Variants in AEBP2 observed in about 807,000 individuals in gnomAD.
The protein encoded by AEBP2 is zinc finger protein AEBP2.
Under a neutral mutation model 50.8 loss-of-function variants are expected in AEBP2, and 10 were observed. That is an observed-to-expected ratio of 0.20 (90% CI 0.12 to 0.33). The LOEUF (loss-of-function observed/expected upper bound fraction) is 0.33, where lower values mean the gene tolerates loss of function less well. Among genes scored for constraint, AEBP2 ranks in the 10% least tolerant of loss-of-function variants. AEBP2 has a pLI of 1.00. For missense variants in AEBP2, 570 were observed against 688.0 expected (o/e 0.83, Z 1.92); for synonymous variants, 296 against 261.3 (o/e 1.13, Z -1.28).
intron 2 of AEBP2, chr12:19,466,866 C>G (rs941822498): frequency 5.7e-6 from 5 of 880,968 alleles, no homozygotes; most frequent in East Asian, 2.4e-4. Flanking sequence ...TTAGCAAGAT[C>G]TAAACTATAT....
chr12:19,492,578 TAAA>T (rs900728019), intron 3 of AEBP2, among the ~76,000 whole-genome samples: 8 of 151,664 alleles, frequency 5.3e-5, no homozygotes, highest in African/African-American at 1.5e-4. Context: ...AAAATATAAA[TAAA>T]AAAACAAAAT....
At position 19,500,109 on chromosome 12, in the gene AEBP2, A is replaced by G. The variant is rs1156284266; in HGVS notation, c.1187A>G (p.Asp396Gly). ...KRRRSLPRPH[D>G]FFDAQTLDAI... is the part of the protein sequence containing the mutation. ...TGTTGACTTTTAGCACGGCCACATGATTTCTTCGATGCACAAACACTGGAT... is the reference window on the plus strand; with the variant it reads ...TGTTGACTTTTAGCACGGCCACATGGTTTCTTCGATGCACAAACACTGGAT... Residue 396 changes from aspartate to glycine, a missense_variant, in exon 5 of 8, where the codon GAT (aspartate) becomes GGT (glycine). Asp to Gly is a moderately conservative substitution (Grantham distance 94, BLOSUM62 -1). Transcript: ENST00000266508. 1 of 1,605,896 alleles carries G rather than the reference A, an allele frequency of 6.2e-7. No homozygotes were observed. The highest frequency in any genetic ancestry group is 1.7e-5 in the Admixed American group (1 of 58,918).
At chr12:19,511,366 G>C (rs1172403497) in intron 5 of AEBP2, among the ~76,000 whole-genome samples, 1 of 152,164 alleles carries the variant, frequency 6.6e-6, no homozygotes, top group Non-Finnish European at 1.5e-5. Flanking sequence ...TTTCTATTAT[G>C]TTCCATAGTT....
At position 19,476,850 on chromosome 12, in the gene AEBP2, A is replaced by G. The variant is rs549417496; in HGVS notation, c.987+3495A>G. 1.8e-4 allele frequency among the ~76,000 whole-genome samples: 27 copies of G among 152,238 alleles called. No individual in the cohort carries two copies. The East Asian group carries it at 4.6e-3, about 26-fold the overall frequency. On this transcript the variant is annotated intron_variant, in intron 3 of 7. Coordinates refer to ENST00000266508, the MANE Select transcript of AEBP2 (RefSeq NM_153207.5). ...ATAGTGTGTTTCTAGTTCTGTGAAG[A>G]TTGATGATGGTACTTTGATGGGAAT...
intron 1 of AEBP2, chr12:19,456,393 C>T: frequency 4.4e-6 from 6 of 1,372,054 alleles, no homozygotes; most frequent in Non-Finnish European, 6.2e-6. Context: ...GTCTGAGAAG[C>T]ACTCAACACA....
At chr12:19,426,896 AAAAC>A (rs1433789101) in intron 1 of AEBP2, among the ~76,000 whole-genome samples, 2 of 152,116 alleles carry the variant, frequency 1.3e-5, no homozygotes, top group East Asian at 1.9e-4. Flanking sequence ...GCGAGACTCA[AAAAC>A]AAACAAAATA....
Position 19,462,720 on chromosome 12 carries a change from T to G in AEBP2, c.879+3T>G. 5.1e-6 allele frequency: 8 copies of G among 1,573,660 alleles called. No individual in the cohort carries two copies. Among genetic ancestry groups the G allele is most frequent in the Non-Finnish European group, 6.9e-6 (8 of 1,153,156 alleles). On this transcript the variant is annotated splice_donor_region_variant and intron_variant, in intron 2 of 7. Coordinates refer to ENST00000266508, the MANE Select transcript of AEBP2 (RefSeq NM_153207.5). ...ATGTAGATGGTCAGCGAGGAGGGGT[T>G]GGTTTTGTCATTTCTTTTTTTCGCT...
chr12:19,434,529 T>A (rs1285887293), upstream of AEBP2, among the ~76,000 whole-genome samples: 1 of 151,526 alleles, frequency 6.6e-6, no homozygotes, highest in African/African-American at 2.4e-5. Flanking sequence ...GTTATAAAAG[T>A]TTATAAAAGT....
intron 3 of AEBP2, among the ~76,000 whole-genome samples, chr12:19,489,990 CTTTTTTTTTTTTTTTT>C (rs71067029): frequency 2.1e-5 from 1 of 47,688 alleles, no homozygotes; most frequent in Non-Finnish European, 3.7e-5. Flanking sequence ...TTAAAATAAA[CTTTTTTTTTTTTTTTT>C]TTTTTTTTTG....
chr12:19,496,877 G>T (rs1046846913), intron 4 of AEBP2, among the ~76,000 whole-genome samples: 4 of 151,556 alleles, frequency 2.6e-5, no homozygotes, highest in Non-Finnish European at 4.4e-5. Context: ...TTTTGACCAG[G>T]CTGGTCTTGA....
At chr12:19,497,930 TTAAC>T (rs536289478) in intron 4 of AEBP2, among the ~76,000 whole-genome samples, 34 of 152,156 alleles carry the variant, frequency 2.2e-4, no homozygotes, top group Non-Finnish European at 3.7e-4. Flanking sequence ...GATGAAGAAA[TTAAC>T]AAGGGTATTC....
chr12:19,422,785 C>T (rs565316771), intron 1 of AEBP2, among the ~76,000 whole-genome samples: 1 of 152,116 alleles, frequency 6.6e-6, no homozygotes, highest in South Asian at 2.1e-4. Flanking sequence ...CTGCCCAGGC[C>T]GGGCATGGTG....
intron 6 of AEBP2, 97 bp downstream of exon 6, chr12:19,512,562 G>T: frequency 2.3e-6 from 2 of 856,332 alleles, no homozygotes; most frequent in South Asian, 2.0e-5. Flanking sequence ...CAAATAAAAA[G>T]AAATTACATT....
chr12:19,415,655 T>TCAATACAATACAATACAATACAATA (rs58109649), intron 1 of AEBP2, among the ~76,000 whole-genome samples: 52 of 131,984 alleles, frequency 3.9e-4, no homozygotes, highest in South Asian at 8.0e-4. Flanking sequence ...AGAGATTAAA[T>TCAATACAATACAATACAATACAATA]CAATACAATA....
At chr12:19,480,825 G>A (rs1948716699) in intron 3 of AEBP2, among the ~76,000 whole-genome samples, 1 of 152,120 alleles carries the variant, frequency 6.6e-6, no homozygotes, top group Non-Finnish European at 1.5e-5. Context: ...GTATTTGGGT[G>A]TCTACCTCTT....
intron 1 of AEBP2, among the ~76,000 whole-genome samples, chr12:19,417,556 C>T (rs2095743277): frequency 6.6e-6 from 1 of 151,104 alleles, no homozygotes; most frequent in Non-Finnish European, 1.5e-5. Context: ...TATAGGCACG[C>T]ACCACCACAC....
chr12:19,461,758 G>A (rs930605104), intron 1 of AEBP2, among the ~76,000 whole-genome samples: 11 of 152,160 alleles, frequency 7.2e-5, no homozygotes, highest in African/African-American at 2.4e-4. Flanking sequence ...TAGTCCACCC[G>A]CCTCGGCCTC....
chr12:19,452,140 C>T (rs568805243), intron 1 of AEBP2, among the ~76,000 whole-genome samples: 1 of 152,302 alleles, frequency 6.6e-6, no homozygotes, highest in East Asian at 1.9e-4. Flanking sequence ...ATCCGCCCAC[C>T]TCAGCCTCCC....
chr12:19,469,196 G>A (rs1023563597), intron 2 of AEBP2, among the ~76,000 whole-genome samples: 1 of 152,166 alleles, frequency 6.6e-6, no homozygotes, highest in Non-Finnish European at 1.5e-5. Context: ...AGAGTGCTGG[G>A]ATTACAGGCG....
Sources: gnomAD v4.1 joint callset for allele counts (sites outside exome capture counted in the v4.1 genomes callset) on GRCh38, gnomAD v4.1.1 for gene constraint, MANE v1.5 for transcripts, NCBI Gene and HGNC (gene_info 2026-07-23, HGNC 2026-07-21) for gene names.